The following DLGAP2 variants were observed in gnomAD, a reference collection of about 807,000 sequenced individuals.
DLGAP2 encodes the protein disks large-associated protein 2.
DLGAP2 carries 26 observed loss-of-function variants against 100.3 expected under a neutral mutation model. That is an observed-to-expected ratio of 0.26 (90% CI 0.19 to 0.36). The LOEUF (loss-of-function observed/expected upper bound fraction) is 0.36. DLGAP2 is among the 10% of genes least tolerant of loss of function. DLGAP2 has a pLI of 1.00. For synonymous variants in DLGAP2, 886 were observed against 630.1 expected (o/e 1.41, Z -6.08); for missense variants, 1,858 against 1,453.2 (o/e 1.28, Z -4.53).
chr8:1,623,870 TA>T (rs1220123160), intron 6 of DLGAP2, among the ~76,000 whole-genome samples: 2 of 152,210 alleles, frequency 1.3e-5, no homozygotes, highest in African/African-American at 4.8e-5. Flanking sequence ...GTCTATGTTT[TA>T]AAAAAAATTA....
rs1563190733 is a variant in DLGAP2 at position 1,098,588 on chromosome 8, A to ACGC, written c.74-160262_74-160261insGCC. On this transcript the variant is annotated intron_variant, in intron 2 of 14. Coordinates refer to ENST00000637795, the MANE Select transcript of DLGAP2 (RefSeq NM_001346810.2). ...TGGCCACCCACAGACGCCGCGACCC[A>ACGC]CACCAGGCTCCCGGCCGCCCACGGG... Among the ~76,000 whole-genome samples the ACGC allele has an allele frequency of 7.9e-4, 117 of 147,552 alleles. 2 individuals are homozygous for ACGC. Among genetic ancestry groups the ACGC allele is most frequent in the African/African-American group, 2.9e-3 (115 of 39,654 alleles).
intron 8 of DLGAP2, among the ~76,000 whole-genome samples, chr8:1,641,968 ACCCCGCCGGTCCCCACCTGTGTC>A (rs1797918383): frequency 7.1e-5 from 5 of 70,392 alleles, no homozygotes; most frequent in African/African-American, 4.8e-4. Context: ...GTCACCCTCG[ACCCCGCCGGTCCCCACCTGTGTC>A]ACCCTCGACC....
chr8:1,279,710 TG>T (rs1211466031), intron 3 of DLGAP2, among the ~76,000 whole-genome samples: 1 of 152,168 alleles, frequency 6.6e-6, no homozygotes, highest in Non-Finnish European at 1.5e-5. Flanking sequence ...CCCAGCCAGC[TG>T]GTAAGATTTA....
chr8:1,661,061 C>A (rs1035581841), intron 8 of DLGAP2, among the ~76,000 whole-genome samples: 1 of 152,200 alleles, frequency 6.6e-6, no homozygotes, highest in Admixed American at 6.5e-5. Flanking sequence ...GGGACAAATC[C>A]ATGTAAAGAC....
At chr8:836,868 A>G (rs986695368) in intron 1 of DLGAP2, among the ~76,000 whole-genome samples, 7 of 152,140 alleles carry the variant, frequency 4.6e-5, no homozygotes, top group African/African-American at 1.7e-4. Context: ...GTCTCCTTTC[A>G]TGTTTTGCTT....
intron 1 of DLGAP2, among the ~76,000 whole-genome samples, chr8:836,982 G>C (rs1796890339): frequency 6.6e-6 from 1 of 152,194 alleles, no homozygotes; most frequent in Non-Finnish European, 1.5e-5. Context: ...GGAAAACAAT[G>C]TTCTTCTCTT....
chr8:1,542,679 A>G (rs934705399), intron 4 of DLGAP2, among the ~76,000 whole-genome samples: 3 of 152,198 alleles, frequency 2.0e-5, no homozygotes, highest in African/African-American at 7.2e-5. Flanking sequence ...TTTGGCAACT[A>G]TGAATGATGT....
chr8:1,233,085 A>G (rs1165176189), intron 2 of DLGAP2, among the ~76,000 whole-genome samples: 1 of 152,156 alleles, frequency 6.6e-6, no homozygotes, highest in Non-Finnish European at 1.5e-5. Context: ...TTCAAGTTTC[A>G]TCCATGTGGT....
rs571121286 is a variant in DLGAP2 at position 1,041,115 on chromosome 8, G to A, written c.73+133149G>A. Among the ~76,000 whole-genome samples, 5 of 152,246 alleles carry A rather than the reference G, an allele frequency of 3.3e-5. No individual in the cohort carries two copies. The East Asian group carries it at 5.8e-4, about 18-fold the overall frequency. On this transcript the variant is annotated intron_variant, in intron 2 of 14. Transcript: ENST00000637795. ...TTCCTAAGGGGAGGTATCTGTCCTC[G>A]GCAATGGATATGGTTAATTTTAAAT...
intron 2 of DLGAP2, among the ~76,000 whole-genome samples, chr8:1,233,248 C>G (rs1798574271): frequency 2.0e-5 from 3 of 152,194 alleles, no homozygotes; most frequent in South Asian, 4.1e-4. Flanking sequence ...TGAGAGGCTG[C>G]TGTGAACATT....
At chr8:1,319,228 C>G (rs1697958964) in intron 3 of DLGAP2, among the ~76,000 whole-genome samples, 1 of 152,320 alleles carries the variant, frequency 6.6e-6, no homozygotes, top group East Asian at 1.9e-4. Flanking sequence ...CCCCAGTGAA[C>G]TGCTAAGTTC....
At chr8:1,481,636 G>A (rs1410839394) in intron 3 of DLGAP2, among the ~76,000 whole-genome samples, 1 of 151,506 alleles carries the variant, frequency 6.6e-6, no homozygotes, top group Non-Finnish European at 1.5e-5. Flanking sequence ...GAACCACCAC[G>A]CCCGGCTAAT....
chr8:1,310,579 G>T (rs1360067805), intron 3 of DLGAP2, among the ~76,000 whole-genome samples: 2 of 152,162 alleles, frequency 1.3e-5, no homozygotes, highest in Admixed American at 1.3e-4. Flanking sequence ...CTCCACAGTA[G>T]GCCACATGTT....
At chr8:1,485,064 A>G (rs775833036) in intron 3 of DLGAP2, among the ~76,000 whole-genome samples, 3 of 152,244 alleles carry the variant, frequency 2.0e-5, no homozygotes, top group African/African-American at 4.8e-5. Context: ...CCTCTCTTAA[A>G]GAACTATAGA....
intron 6 of DLGAP2, among the ~76,000 whole-genome samples, chr8:1,589,213 T>C (rs529052903): frequency 5.1e-4 from 78 of 152,332 alleles, no homozygotes; most frequent in South Asian, 3.7e-3. Flanking sequence ...TGAAAAACAT[T>C]AGTTTCGTTG....
chr8:1,666,090 C>G (rs1229174768), intron 8 of DLGAP2, among the ~76,000 whole-genome samples: 1 of 152,214 alleles, frequency 6.6e-6, no homozygotes, highest in Non-Finnish European at 1.5e-5. Context: ...GAAATATTTC[C>G]TAACCCAGGT....
chr8:1,254,148 G>A (rs1799116471), intron 2 of DLGAP2, among the ~76,000 whole-genome samples: 1 of 152,172 alleles, frequency 6.6e-6, no homozygotes, highest in African/African-American at 2.4e-5. Flanking sequence ...AGCGCTGAGG[G>A]CTGGTCACAG....
intron 1 of DLGAP2, among the ~76,000 whole-genome samples, chr8:856,681 G>C (rs1797284504): frequency 6.6e-6 from 1 of 152,176 alleles, no homozygotes; most frequent in Non-Finnish European, 1.5e-5. Flanking sequence ...AATAGCATAA[G>C]ATCTATATGA....
chr8:1,297,353 T>C (rs1286485842), intron 3 of DLGAP2: 1 of 152,306 alleles, frequency 6.6e-6, no homozygotes, highest in African/African-American at 2.4e-5. Context: ...GTTGGCCATC[T>C]CTCTAAGAAC....
Sources: allele counts gnomAD v4.1 joint callset (sites outside exome capture counted in the v4.1 genomes callset), GRCh38; gene constraint gnomAD v4.1.1; transcripts MANE v1.5; gene names NCBI Gene and HGNC (gene_info 2026-07-23, HGNC 2026-07-21).